NRG3: variants seen among roughly 807,000 people sequenced by gnomAD.
The protein encoded by NRG3 is neuregulin 3.
NRG3 carries 31 observed loss-of-function variants against 66.9 expected under a neutral mutation model. The observed-to-expected ratio is 0.46, with a 90% confidence interval of 0.35 to 0.63. The LOEUF is 0.63. Among genes scored for constraint, NRG3 ranks in the 20% least tolerant of loss-of-function variants. NRG3 has a pLI of 0.00. For missense variants in NRG3, 910 were observed against 878.9 expected (o/e 1.04, Z -0.45); for synonymous variants, 393 against 359.4 (o/e 1.09, Z -1.06).
At chr10:81,982,962 A>G (rs971759681) in intron 1 of NRG3, among the ~76,000 whole-genome samples, 1 of 152,210 alleles carries the variant, frequency 6.6e-6, no homozygotes, top group African/African-American at 2.4e-5. Flanking sequence ...ACACTGTTGT[A>G]TATCATCACT....
At chr10:82,292,051 GA>G (rs1228972785) in intron 1 of NRG3, among the ~76,000 whole-genome samples, 1 of 152,020 alleles carries the variant, frequency 6.6e-6, no homozygotes, top group Non-Finnish European at 1.5e-5. Context: ...AAGACTGGGG[GA>G]AAATATTTGC....
chr10:82,320,581 A>G (rs941834966), intron 1 of NRG3, among the ~76,000 whole-genome samples: 4 of 152,084 alleles, frequency 2.6e-5, no homozygotes, highest in Non-Finnish European at 5.9e-5. Context: ...TATTCAGAAA[A>G]TATTTTATTT....
At chr10:82,841,983 C>T (rs2063076550) in intron 3 of NRG3, among the ~76,000 whole-genome samples, 1 of 152,152 alleles carries the variant, frequency 6.6e-6, no homozygotes, top group Non-Finnish European at 1.5e-5. Flanking sequence ...AATACAGAAC[C>T]CATCTCGCAG....
At chr10:82,357,277 T>A (rs2083843904) in intron 1 of NRG3, among the ~76,000 whole-genome samples, 1 of 152,188 alleles carries the variant, frequency 6.6e-6, no homozygotes. Flanking sequence ...CTGTGGATTT[T>A]AAAGTTATTC....
intron 1 of NRG3, among the ~76,000 whole-genome samples, chr10:81,977,890 TTTTA>T (rs1306526030): frequency 3.3e-5 from 5 of 152,160 alleles, no homozygotes; most frequent in Non-Finnish European, 4.4e-5. Context: ...TTCTTTTACT[TTTTA>T]TTTTTTATTT....
chr10:82,718,057 A>C (rs188167797), intron 2 of NRG3, among the ~76,000 whole-genome samples: 31 of 152,284 alleles, frequency 2.0e-4, no homozygotes, highest in African/African-American at 7.5e-4. Context: ...ATTCATTTTC[A>C]ATGTCTCTGT....
chr10:82,732,488 T>C (rs2057959853), intron 2 of NRG3, among the ~76,000 whole-genome samples: 1 of 152,188 alleles, frequency 6.6e-6, no homozygotes, highest in South Asian at 2.1e-4. Flanking sequence ...GCAAGAGCTT[T>C]AAGGTCAATC....
intron 1 of NRG3, among the ~76,000 whole-genome samples, chr10:82,111,042 TGCCTGTAAGAAAAGAGA>T: frequency 1.3e-5 from 2 of 152,310 alleles, no homozygotes; most frequent in African/African-American, 4.8e-5. Flanking sequence ...ACTTTTCTGT[TGCCTGTAAGAAAAGAGA>T]GCATTCTGTG....
intron 2 of NRG3, among the ~76,000 whole-genome samples, chr10:82,402,772 G>A (rs2087206308): frequency 6.6e-6 from 1 of 152,116 alleles, no homozygotes. Flanking sequence ...GTGCGTGTGT[G>A]AGTGTGTGTA....
At chr10:82,158,547 C>A (rs1461540088) in intron 1 of NRG3, among the ~76,000 whole-genome samples, 1 of 151,680 alleles carries the variant, frequency 6.6e-6, no homozygotes, top group East Asian at 1.9e-4. Flanking sequence ...AGTGTGTCTG[C>A]GCAGGTAAAT....
At chr10:82,515,994 C>T (rs1304520576) in intron 2 of NRG3, among the ~76,000 whole-genome samples, 1 of 152,136 alleles carries the variant, frequency 6.6e-6, no homozygotes, top group East Asian at 1.9e-4. Flanking sequence ...AGGATAACCC[C>T]AATAGTTGTT....
intron 1 of NRG3, among the ~76,000 whole-genome samples, chr10:82,201,382 A>G (rs1418587232): frequency 6.6e-6 from 1 of 152,060 alleles, no homozygotes. Flanking sequence ...TTGATGTCTC[A>G]TAAGGGGTTA....
chr10:82,858,316 A>T (rs7917405), intron 3 of NRG3, among the ~76,000 whole-genome samples: 1 of 151,946 alleles, frequency 6.6e-6, no homozygotes, highest in Non-Finnish European at 1.5e-5. Context: ...CAGAACTCTT[A>T]AAGTCTACTC....
chr10:82,818,970 A>T (rs2135557490), intron 3 of NRG3, among the ~76,000 whole-genome samples: 1 of 152,372 alleles, frequency 6.6e-6, no homozygotes, highest in East Asian at 1.9e-4. Flanking sequence ...CTTTGAAAAT[A>T]AAAAAGTGGA....
intron 2 of NRG3, among the ~76,000 whole-genome samples, chr10:82,616,991 A>G (rs2048696015): frequency 6.6e-6 from 1 of 152,218 alleles, no homozygotes; most frequent in Non-Finnish European, 1.5e-5. Flanking sequence ...TGTTAAATTG[A>G]ATGTAAAACA....
chr10:82,802,039 AT>A (rs2061062938), intron 3 of NRG3, among the ~76,000 whole-genome samples: 1 of 152,220 alleles, frequency 6.6e-6, no homozygotes, highest in African/African-American at 2.4e-5. Context: ...TACCCATTTA[AT>A]TTGTTTCAAA....
chr10:82,807,965 A>G (rs756456334), intron 3 of NRG3, among the ~76,000 whole-genome samples: 2 of 152,154 alleles, frequency 1.3e-5, no homozygotes, highest in Non-Finnish European at 2.9e-5. Context: ...CTCCTCTCAC[A>G]GACAATTTCT....
chr10:82,017,060 A>T (rs2061818035), intron 1 of NRG3, among the ~76,000 whole-genome samples: 1 of 152,068 alleles, frequency 6.6e-6, no homozygotes, highest in Non-Finnish European at 1.5e-5. Flanking sequence ...CATTAGGTAT[A>T]TCTCCTAATG....
intron 1 of NRG3, among the ~76,000 whole-genome samples, chr10:82,091,412 T>C (rs1270189490): frequency 6.6e-6 from 1 of 152,182 alleles, no homozygotes; most frequent in Non-Finnish European, 1.5e-5. Flanking sequence ...GTAAGTGTAA[T>C]CATATATTTG....
Sources: allele counts gnomAD v4.1 joint callset (sites outside exome capture counted in the v4.1 genomes callset), GRCh38; gene constraint gnomAD v4.1.1; transcripts MANE v1.5; gene names NCBI Gene and HGNC (gene_info 2026-07-23, HGNC 2026-07-21).